Variants in ARRDC2 observed in about 807,000 individuals in gnomAD.
ARRDC2 encodes the protein arrestin domain-containing protein 2.
Under a neutral mutation model 38.9 loss-of-function variants are expected in ARRDC2, and 39 were observed. The ratio of observed to expected loss-of-function variants is 1.00; its 90% CI spans 0.78 to 1.31. The LOEUF (loss-of-function observed/expected upper bound fraction) is 1.31, where lower values mean the gene tolerates loss of function less well. Ranked by LOEUF, ARRDC2 falls within the 50% of genes most tolerant of loss-of-function variation. ARRDC2 has a pLI of 0.00. For missense variants in ARRDC2, 553 were observed against 588.4 expected, an observed-to-expected ratio of 0.94 and a Z score of 0.62; for synonymous variants, 300 against 261.9, an observed-to-expected ratio of 1.15 and a Z score of -1.41.
chr19:18,011,509 G>T (rs575460379), intron 7 of ARRDC2, among the ~76,000 whole-genome samples: 7 of 152,144 alleles, frequency 4.6e-5, no homozygotes, highest in African/African-American at 1.4e-4. Flanking sequence ...GGAATCTGCA[G>T]ATTCAACCAA....
upstream of ARRDC2, chr19:18,007,042 C>T (rs993586178): frequency 2.0e-5 from 3 of 152,636 alleles, no homozygotes; most frequent in African/African-American, 7.2e-5. Flanking sequence ...TTATGACCGC[C>T]CCCTCCACCC....
At chr19:18,005,337 CAGA>C (rs1184440700), upstream of ARRDC2, among the ~76,000 whole-genome samples, 2 of 152,218 alleles carry the variant, frequency 1.3e-5, no homozygotes, top group Admixed American at 6.5e-5. Flanking sequence ...GATCACAAAG[CAGA>C]AGAATTTTTC....
intron 7 of ARRDC2, 59 bp from the exon 8 acceptor site, chr19:18,012,854 G>C (rs2033440800): frequency 1.3e-6 from 2 of 1,554,744 alleles, no homozygotes; most frequent in Non-Finnish European, 8.9e-7. Flanking sequence ...ATGGGGAGCG[G>C]TATTTCTGAA....
At position 18,008,409 on chromosome 19, in the gene ARRDC2, G is replaced by A; in HGVS notation, c.99G>A (p.Arg33=). Residue 33 remains arginine, a synonymous_variant, in exon 1 of 8, where the codon CGG becomes CGA. Coordinates refer to ENST00000222250, the MANE Select transcript of ARRDC2 (RefSeq NM_015683.2). ...VFSGGQAVAG[R]VLLELSSAAR... Reference sequence around the variant, plus strand: ...GCGGCGGCCAGGCCGTGGCGGGCCGGGTGCTGCTGGAGCTGTCAAGCGCCG... The same window carrying A: ...GCGGCGGCCAGGCCGTGGCGGGCCGAGTGCTGCTGGAGCTGTCAAGCGCCG... 1 of 1,594,520 alleles carries A rather than the reference G, an allele frequency of 6.3e-7. No individual in the cohort carries two copies. Among genetic ancestry groups the A allele is most frequent in the Non-Finnish European group, 8.5e-7 (1 of 1,177,998 alleles).
Position 18,010,031 on chromosome 19 carries a change from G to A in ARRDC2, c.841G>A (p.Ala281Thr), listed in dbSNP as rs769060128. Residue 281 changes from alanine to threonine, a missense_variant, in exon 5 of 8, where the codon GCA becomes ACA. Ala to Thr is a moderately conservative substitution (Grantham distance 58). Around this residue, in one of 3 missense-constraint regions of ARRDC2, gnomAD observed 447 missense variants for 456.6 expected, o/e 0.98. Coordinates refer to ENST00000222250, the MANE Select transcript of ARRDC2 (RefSeq NM_015683.2). ...LHCRVLHVDY[A>T]LKVCVDIPGT... ...CTGCCGCGTTCTACACGTGGACTAC[G>A]CACTCAAGGTAGGGCATCCTGCTGG... is the stretch of plus-strand genomic sequence containing the variant. The A allele has an allele frequency of 3.0e-5, 48 of 1,602,920 alleles. No homozygotes were observed. Among genetic ancestry groups the A allele is most frequent in the Non-Finnish European group, 3.9e-5 (46 of 1,179,668 alleles).
chr19:18,009,726 G>C, intron 4 of ARRDC2, 32 bp downstream of exon 4: 12 of 1,612,798 alleles, frequency 7.4e-6, no homozygotes, highest in Non-Finnish European at 1.0e-5. Flanking sequence ...GTTGGGACGG[G>C]GGCTGGTGTT....
At chr19:18,004,848 AAAT>A (rs2033240425), upstream of ARRDC2, among the ~76,000 whole-genome samples, 1 of 151,486 alleles carries the variant, frequency 6.6e-6, no homozygotes, top group African/African-American at 2.4e-5. Context: ...AAAAATACAA[AAAT>A]TAGCGGGGCA....
chr19:18,004,055 G>A (rs1258078062), upstream of ARRDC2, among the ~76,000 whole-genome samples: 1 of 150,776 alleles, frequency 6.6e-6, no homozygotes, highest in Non-Finnish European at 1.5e-5. Context: ...TTACAGGCAT[G>A]AGCCACCATG....
At chr19:18,002,374 C>T (rs565709954) in intron 1 of ARRDC2, among the ~76,000 whole-genome samples, 3 of 152,340 alleles carry the variant, frequency 2.0e-5, no homozygotes, top group East Asian at 1.9e-4. Context: ...CAGTCCTTCT[C>T]GCACCCCAAG....
At chr19:18,001,379 G>A in exon 1 of ARRDC2, 1 of 1,207,166 alleles carries the variant, frequency 8.3e-7, no homozygotes, top group Admixed American at 4.4e-5. Flanking sequence ...GGCGCCTACC[G>A]CGGCGGGGAG....
Position 18,009,669 on chromosome 19 carries a change from G to A in ARRDC2, c.567G>A (p.Lys189=). Residue 189 remains lysine, a synonymous_variant, in exon 4 of 8, where the codon AAG becomes AAA. Transcript: ENST00000222250. ...CNRGLVSLSA[K]IDRKGYTPGE... ...GTGGCCTAGTCTCCCTTTCGGCCAA[G>A]ATCGACCGCAAGGGCTACACCCCAG... 2 of 1,611,306 alleles carry A rather than the reference G, an allele frequency of 1.2e-6. No homozygotes were observed.
At position 18,010,644 on chromosome 19, in the gene ARRDC2, C is replaced by T. The variant is rs200848064; in HGVS notation, c.1085C>T (p.Pro362Leu). ...AALGQSPFPL[P>L]QDPDMSLEGP... ...TTGGGGCAGAGCCCCTTCCCGCTTC[C>T]GCAGGACCCCGACATGAGCCTTGAA... Residue 362 changes from proline (P) to leucine (L), a missense_variant, in exon 7 of 8, where the codon CCG (proline) becomes CTG (leucine). By Grantham distance (98) the Pro-to-Leu change is moderately conservative. Transcript: ENST00000222250. 1.8e-5 allele frequency: 29 copies of T among 1,613,838 alleles called. No homozygotes were observed. Among genetic ancestry groups the T allele is most frequent in the Non-Finnish European group, 2.3e-5 (27 of 1,179,984 alleles).
In ARRDC2 at chr19:18,013,892, G is replaced by GT. The variant is rs1197165883; in HGVS notation, c.*927dup. 6.6e-6 allele frequency: 1 copy of GT among 152,168 alleles called. No individual in the cohort carries two copies. The highest frequency in any genetic ancestry group is 2.4e-5 in the African/African-American group (1 of 41,436). The allele number at this position is 152,168 out of a possible 1,614,324, so 9.4% of individuals were successfully genotyped here. On this transcript the variant is annotated 3_prime_UTR_variant, in exon 8 of 8. Transcript: ENST00000222250. ...CCCTGGGGACAGAGGTCAGCCTAAG[G>GT]TGACACACGGGGACTACTGTGCTTC...
intron 7 of ARRDC2, 69 bp downstream of exon 7, chr19:18,010,798 A>C: frequency 6.6e-7 from 1 of 1,525,002 alleles, no homozygotes; most frequent in Non-Finnish European, 8.9e-7. Flanking sequence ...GGTGGCAGAC[A>C]TAGTAGATGG....
At chr19:18,001,507 A>G in exon 1 of ARRDC2, 3 of 1,381,696 alleles carry the variant, frequency 2.2e-6, no homozygotes, top group Non-Finnish European at 2.8e-6. Context: ...CGTGGGCGTC[A>G]ACGCCGTATC....
At chr19:18,005,479 A>G (rs985005516), upstream of ARRDC2, among the ~76,000 whole-genome samples, 1 of 152,078 alleles carries the variant, frequency 6.6e-6, no homozygotes, top group Non-Finnish European at 1.5e-5. Context: ...CATTGTCATC[A>G]TGGCCCGTTC....
intron 4 of ARRDC2, 25 bp downstream of exon 4, chr19:18,009,719 G>T: frequency 6.2e-7 from 1 of 1,612,592 alleles, no homozygotes. Flanking sequence ...GGACTGGGTT[G>T]GGACGGGGGC....
In ARRDC2 at chr19:18,012,969, G is replaced by C; in HGVS notation, c.*3G>C. On this transcript the variant is annotated 3_prime_UTR_variant, in exon 8 of 8. Transcript: ENST00000222250. ...GGCCGCGCTGCATGACTTGCTGAAC[G>C]GCACAGGGACCCCTCGAGGAACAAG... 1.9e-6 allele frequency: 3 copies of C among 1,613,748 alleles called. No individual in the cohort carries two copies. Among genetic ancestry groups the C allele is most frequent in the Non-Finnish European group, 2.5e-6 (3 of 1,179,868 alleles).
At chr19:18,003,160 C>T (rs1251618952) in intron 1 of ARRDC2, among the ~76,000 whole-genome samples, 1 of 152,120 alleles carries the variant, frequency 6.6e-6, no homozygotes, top group East Asian at 1.9e-4. Context: ...GGTGGGTCCA[C>T]CTGTGGTCCC....
Sources: gnomAD v4.1 joint callset for allele counts (sites outside exome capture counted in the v4.1 genomes callset) on GRCh38, gnomAD v4.1.1 for gene constraint, gnomAD v4.1.1 regional missense constraint, MANE v1.5 for transcripts, NCBI Gene and HGNC (gene_info 2026-07-23, HGNC 2026-07-21) for gene names.